DST: variants seen among roughly 807,000 people sequenced by gnomAD.
DST encodes the protein bullous pemphigoid antigen.
DST carries 253 observed loss-of-function variants against 875.2 expected under a neutral mutation model. The observed-to-expected ratio is 0.29, with a 90% CI of 0.26 to 0.32. The LOEUF (loss-of-function observed/expected upper bound fraction) is 0.32, where lower values mean the gene tolerates loss of function less well. Among genes scored for constraint, DST ranks in the 10% least tolerant of loss-of-function variants. The pLI is 1.00. For synonymous variants in DST, 3,124 were observed against 3,197.1 expected (o/e 0.98, Z 0.77); for missense variants, 8,287 against 9,111.6 (o/e 0.91, Z 3.68).
chr6:56,609,472 C>A, intron 39 of DST, 128 bp from the exon 40 acceptor site: 1 of 684,458 alleles, frequency 1.5e-6, no homozygotes, highest in Non-Finnish European at 2.5e-6. Context: ...TACCAAGGCG[C>A]AGCAATGCTG....
chr6:56,747,100 G>GT (rs1206151913), intron 4 of DST, among the ~76,000 whole-genome samples: 48 of 152,316 alleles, frequency 3.2e-4, no homozygotes, highest in African/African-American at 1.1e-3. Context: ...TGAGAATATA[G>GT]TCAGAAATTA....
At chr6:56,902,625 C>T (rs1319995567) in intron 2 of DST, among the ~76,000 whole-genome samples, 1 of 152,226 alleles carries the variant, frequency 6.6e-6, no homozygotes, top group Non-Finnish European at 1.5e-5. Context: ...ATTGTTTGGG[C>T]TCTCCTAATC....
rs1038292237 is a variant in DST at position 56,776,859 on chromosome 6, C to T, written c.626-41570G>A. ...GAGATTTTATTTTGAATAGCATTAC[C>T]GAAGCAAATTGTTTAAACATCACAA... On this transcript the variant is annotated intron_variant, in intron 4 of 103. Coordinates refer to ENST00000680361, the MANE Select transcript of DST (RefSeq NM_001374736.1). Among the ~76,000 whole-genome samples, 11 of 152,052 alleles carry T rather than the reference C, an allele frequency of 7.2e-5. No individual in the cohort carries two copies. The South Asian group carries it at 1.0e-3, about 14-fold the overall frequency.
intron 2 of DST, among the ~76,000 whole-genome samples, chr6:56,914,531 A>T (rs1460746256): frequency 6.6e-6 from 1 of 152,160 alleles, no homozygotes; most frequent in African/African-American, 2.4e-5. Context: ...GGCCATTGGC[A>T]TATGCAACAT....
intron 36 of DST, chr6:56,617,038 G>A: frequency 1.2e-6 from 2 of 1,613,940 alleles, no homozygotes; most frequent in South Asian, 1.1e-5. Context: ...TAGATTCTAG[G>A]TAAAGCCCTG....
chr6:56,474,113 G>T, intron 92 of DST, 111 bp from the exon 93 acceptor site: 1 of 926,170 alleles, frequency 1.1e-6, no homozygotes. Context: ...TTCTGAAGAA[G>T]AATAAATCAT....
chr6:56,587,751 A>T (rs1299911770), intron 49 of DST, among the ~76,000 whole-genome samples: 1 of 152,166 alleles, frequency 6.6e-6, no homozygotes, highest in Non-Finnish European at 1.5e-5. Flanking sequence ...AGTGGGGGCC[A>T]ATATTCAACA....
chr6:56,540,184 T>C (rs1200870859), intron 61 of DST: 1 of 152,616 alleles, frequency 6.6e-6, no homozygotes, highest in Non-Finnish European at 1.5e-5. Context: ...TTCATTATTA[T>C]TAGAAACACT....
chr6:56,869,818 G>A (rs113791952), intron 3 of DST, among the ~76,000 whole-genome samples: 5,811 of 152,146 alleles, frequency 0.038, 375 homozygotes, highest in African/African-American at 0.13. Context: ...CCGAGTAGCC[G>A]AGACTACAGG....
chr6:56,603,491 AGT>A (rs1242282654), intron 41 of DST, 71 bp from the exon 42 acceptor site: 2 of 1,591,332 alleles, frequency 1.3e-6, no homozygotes, highest in Admixed American at 1.7e-5. Flanking sequence ...GAAACATAGA[AGT>A]GTTCTGCTTC....
intron 37 of DST, 56 bp from the exon 38 acceptor site, chr6:56,611,652 T>C (rs2098546079): frequency 8.1e-7 from 1 of 1,240,988 alleles, no homozygotes; most frequent in Admixed American, 2.3e-5. Flanking sequence ...TAAACAGTAT[T>C]TTTTTTAAAA....
intron 9 of DST, chr6:56,693,143 TC>T: frequency 7.8e-7 from 1 of 1,281,826 alleles, no homozygotes; most frequent in Non-Finnish European, 1.0e-6. Flanking sequence ...CCACAGACAT[TC>T]CCCATTTGAT....
chr6:56,616,135 C>G (rs2098615513), intron 36 of DST: 3 of 1,614,152 alleles, frequency 1.9e-6, no homozygotes, highest in Non-Finnish European at 1.7e-6. Flanking sequence ...CAGGACTGTG[C>G]AAATCTTTCT....
rs143447412 is a variant in DST, at chr6:56,724,781, T to C, written c.687+10447A>G. Among the ~76,000 whole-genome samples, 100 of 152,308 alleles carry C rather than the reference T, an allele frequency of 6.6e-4. No homozygotes were observed. The Middle Eastern group carries it at 0.034, about 52-fold the overall frequency. On this transcript the variant is annotated intron_variant, in intron 5 of 103. Transcript: ENST00000680361. ...CTGGCATTCATCACTGTAATACTAT[T>C]ATAAAACCACTACAGTTGCATATTG... is the stretch of plus-strand genomic sequence containing the variant.
At chr6:56,533,955 T>C (rs1309238331) in intron 63 of DST, among the ~76,000 whole-genome samples, 1 of 152,154 alleles carries the variant, frequency 6.6e-6, no homozygotes, top group African/African-American at 2.4e-5. Flanking sequence ...AATTGATGAA[T>C]AATAATTGAA....
intron 45 of DST, 42 bp from the exon 46 acceptor site, chr6:56,598,751 A>T: frequency 8.1e-7 from 1 of 1,228,884 alleles, no homozygotes; most frequent in Non-Finnish European, 1.1e-6. Flanking sequence ...TTAAATTATT[A>T]CCTATTTAGT....
At chr6:56,885,977 T>G (rs906933470) in intron 3 of DST, among the ~76,000 whole-genome samples, 1 of 152,194 alleles carries the variant, frequency 6.6e-6, no homozygotes, top group Non-Finnish European at 1.5e-5. Flanking sequence ...TTATCTAATT[T>G]ACCAATTCAT....
At chr6:56,596,159 G>C (rs1189687782) in intron 47 of DST, among the ~76,000 whole-genome samples, 1 of 151,972 alleles carries the variant, frequency 6.6e-6, no homozygotes, top group Non-Finnish European at 1.5e-5. Flanking sequence ...CTCCCAAGTA[G>C]CTGGGATTAC....
intron 4 of DST, among the ~76,000 whole-genome samples, chr6:56,831,352 T>G (rs2099786727): frequency 6.6e-6 from 1 of 152,238 alleles, no homozygotes; most frequent in African/African-American, 2.4e-5. Flanking sequence ...AATTCAATTT[T>G]GTGATAATAC....
Sources: gnomAD v4.1 joint callset for allele counts (sites outside exome capture counted in the v4.1 genomes callset) on GRCh38, gnomAD v4.1.1 for gene constraint, MANE v1.5 for transcripts, NCBI Gene and HGNC (gene_info 2026-07-23, HGNC 2026-07-21) for gene names.